LRP1B: variants seen among roughly 807,000 people sequenced by gnomAD.
LRP1B encodes low-density lipoprotein receptor-related protein 1B.
A neutral mutation model predicts 556.6 loss-of-function variants in LRP1B; 217 were observed. The ratio of observed to expected loss-of-function variants is 0.39; its 90% CI spans 0.35 to 0.44. The LOEUF (loss-of-function observed/expected upper bound fraction) is 0.44. Among genes scored for constraint, LRP1B ranks in the 20% least tolerant of loss-of-function variants. LRP1B has a pLI of 1.00. For missense variants in LRP1B, 5,053 were observed against 5,620.8 expected, an observed-to-expected ratio of 0.90 and a Z score of 3.23; for synonymous variants, 2,047 against 1,865.8, an observed-to-expected ratio of 1.10 and a Z score of -2.50.
At position 141,691,144 on chromosome 2, in the gene LRP1B, T is replaced by A. The variant is rs566313970; in HGVS notation, c.205+119135A>T. On this transcript the variant is annotated intron_variant, in intron 2 of 90. Transcript: ENST00000389484. The stretch of plus-strand genomic sequence containing the variant: ...GTAATTACTGTAAGGACTTTGTTAC[T>A]GTTGACTTTACCTAATAGATGGCCT... Among the ~76,000 whole-genome samples the A allele has an allele frequency of 1.9e-4, 29 of 152,026 alleles. No homozygotes were observed. The East Asian group carries it at 4.3e-3, about 22-fold the overall frequency.
At chr2:141,907,413 T>A (rs1176409537) in intron 1 of LRP1B, among the ~76,000 whole-genome samples, 1 of 151,998 alleles carries the variant, frequency 6.6e-6, no homozygotes, top group African/African-American at 2.4e-5. Context: ...AGTACAGTCA[T>A]CAGATTTCTA....
At chr2:141,397,101 G>A (rs1690263993) in intron 3 of LRP1B, among the ~76,000 whole-genome samples, 1 of 29,860 alleles carries the variant, frequency 3.3e-5, no homozygotes. Context: ...CAACAAGAAG[G>A]AAACTTTGTC....
At chr2:141,032,822 C>CATATATAT (rs1333410760) in intron 11 of LRP1B, among the ~76,000 whole-genome samples, 2 of 75,626 alleles carry the variant, frequency 2.6e-5, no homozygotes, top group South Asian at 5.3e-4. Flanking sequence ...TATATATATA[C>CATATATAT]ATACATATAT....
At chr2:141,588,935 C>A (rs1399320298) in intron 2 of LRP1B, among the ~76,000 whole-genome samples, 2 of 152,012 alleles carry the variant, frequency 1.3e-5, no homozygotes. Context: ...AGAATTTAAC[C>A]TGCAATCTTA....
At chr2:141,056,423 T>G (rs1699179944) in intron 9 of LRP1B, among the ~76,000 whole-genome samples, 1 of 151,878 alleles carries the variant, frequency 6.6e-6, no homozygotes, top group African/African-American at 2.4e-5. Context: ...GCTCTCCATT[T>G]CTCTGCCCTA....
intron 2 of LRP1B, among the ~76,000 whole-genome samples, chr2:141,605,265 A>G (rs530738509): frequency 2.0e-5 from 3 of 152,276 alleles, no homozygotes; most frequent in Non-Finnish European, 2.9e-5. Flanking sequence ...CAAAAGGAAG[A>G]AAACAAAGAA....
intron 2 of LRP1B, among the ~76,000 whole-genome samples, chr2:141,809,827 G>T (rs1696279689): frequency 6.6e-6 from 1 of 151,892 alleles, no homozygotes; most frequent in African/African-American, 2.4e-5. Flanking sequence ...GGGAACTAAA[G>T]CTTGATTTCT....
At chr2:141,675,570 A>G (rs1690844394) in intron 2 of LRP1B, among the ~76,000 whole-genome samples, 2 of 151,802 alleles carry the variant, frequency 1.3e-5, no homozygotes, top group Admixed American at 6.6e-5. Context: ...TACCTACCCT[A>G]TAGGGATTTT....
chr2:141,187,990 G>A (rs1290309323), intron 7 of LRP1B, among the ~76,000 whole-genome samples: 1 of 151,922 alleles, frequency 6.6e-6, no homozygotes, highest in African/African-American at 2.4e-5. Flanking sequence ...CATATGTTGT[G>A]CCCCTTTTGT....
intron 2 of LRP1B, among the ~76,000 whole-genome samples, chr2:141,499,134 G>T (rs1013600616): frequency 6.6e-5 from 10 of 152,018 alleles, no homozygotes; most frequent in Admixed American, 6.6e-5. Context: ...CATATATCAG[G>T]CTGTGTTCTA....
intron 35 of LRP1B, among the ~76,000 whole-genome samples, chr2:140,742,503 C>T (rs1021966117): frequency 3.9e-5 from 6 of 152,014 alleles, no homozygotes; most frequent in Non-Finnish European, 7.4e-5. Flanking sequence ...ATAAAACAGA[C>T]GACGAGAAGG....
chr2:142,009,878 T>C lies in LRP1B; in HGVS notation c.82+120770A>G, dbSNP rs561085838. Among the ~76,000 whole-genome samples the C allele has an allele frequency of 4.6e-5, 7 of 152,178 alleles. No homozygotes were observed. The South Asian group carries it at 1.2e-3, about 27-fold the overall frequency. ...ATGTGTATGTACACAAGTGTATGGA[T>C]ATATACATATATGTACATTATATAC... is the stretch of plus-strand genomic sequence containing the variant. On this transcript the variant is annotated intron_variant, in intron 1 of 90. Coordinates refer to ENST00000389484, the MANE Select transcript of LRP1B (RefSeq NM_018557.3).
At chr2:141,937,683 C>CT (rs1304992037) in intron 1 of LRP1B, among the ~76,000 whole-genome samples, 2 of 151,276 alleles carry the variant, frequency 1.3e-5, no homozygotes, top group Non-Finnish European at 2.9e-5. Flanking sequence ...AAAAAAGATA[C>CT]TTTTAGTTTG....
chr2:142,085,008 CA>C (rs1197982527), intron 1 of LRP1B, among the ~76,000 whole-genome samples: 1 of 152,078 alleles, frequency 6.6e-6, no homozygotes, highest in African/African-American at 2.4e-5. Context: ...GAATAAAGTC[CA>C]AGCTCTTTAA....
At chr2:140,862,927 T>A (rs983840900) in intron 27 of LRP1B, among the ~76,000 whole-genome samples, 5 of 152,170 alleles carry the variant, frequency 3.3e-5, no homozygotes, top group East Asian at 1.9e-4. Flanking sequence ...TATCCTACAC[T>A]CCATAATTGG....
chr2:141,042,143 ACT>A (rs924275242), intron 11 of LRP1B, among the ~76,000 whole-genome samples: 2 of 152,014 alleles, frequency 1.3e-5, no homozygotes, highest in African/African-American at 2.4e-5. Context: ...AGTGCCTTAG[ACT>A]CTATTTTCAA....
chr2:140,815,718 A>G (rs933760827), intron 31 of LRP1B, among the ~76,000 whole-genome samples: 1 of 152,192 alleles, frequency 6.6e-6, no homozygotes, highest in African/African-American at 2.4e-5. Flanking sequence ...ATTCTACAAT[A>G]TAAAGTTTAC....
chr2:140,811,778 A>G (rs1690934962), intron 32 of LRP1B, among the ~76,000 whole-genome samples: 3 of 152,132 alleles, frequency 2.0e-5, no homozygotes. Context: ...TCTTATAGAC[A>G]CTATGAAACA....
At chr2:140,755,032 G>C (rs964599788) in intron 35 of LRP1B, among the ~76,000 whole-genome samples, 1 of 146,796 alleles carries the variant, frequency 6.8e-6, no homozygotes, top group African/African-American at 2.5e-5. Context: ...AGAAATATAA[G>C]GGAATACCAT....
Sources: gnomAD v4.1 joint callset for allele counts (sites outside exome capture counted in the v4.1 genomes callset) on GRCh38, gnomAD v4.1.1 for gene constraint, MANE v1.5 for transcripts, NCBI Gene and HGNC (gene_info 2026-07-23, HGNC 2026-07-21) for gene names.